SLC22A12: variants seen among roughly 807,000 people sequenced by gnomAD.
SLC22A12 encodes organic anion transporter 4-like protein.
A neutral mutation model predicts 52.7 loss-of-function variants in SLC22A12; 56 were observed. The ratio of observed to expected loss-of-function variants is 1.06; its 90% confidence interval spans 0.86 to 1.33. The LOEUF is 1.33. Ranked by LOEUF, SLC22A12 falls within the 40% of genes most tolerant of loss-of-function variation. The pLI is 0.00. For synonymous variants in SLC22A12, 337 were observed against 324.6 expected (o/e 1.04, Z -0.41); for missense variants, 683 against 741.5 (o/e 0.92, Z 0.92).
chr11:64,594,208 C>T (rs1032152476), intron 4 of SLC22A12, among the ~76,000 whole-genome samples: 1 of 152,228 alleles, frequency 6.6e-6, no homozygotes, highest in Non-Finnish European at 1.5e-5. Flanking sequence ...TGGAAAGATA[C>T]AACACATGCC....
intron 4 of SLC22A12, among the ~76,000 whole-genome samples, chr11:64,596,355 AATGGATGG>A (rs1185708405): frequency 8.4e-6 from 1 of 119,522 alleles, no homozygotes; most frequent in Non-Finnish European, 1.7e-5. Flanking sequence ...TGGATGGATG[AATGGATGG>A]ATGGATGGAT....
chr11:64,595,999 A>G (rs1453715458), intron 4 of SLC22A12, among the ~76,000 whole-genome samples: 2 of 132,786 alleles, frequency 1.5e-5, no homozygotes, highest in Non-Finnish European at 3.3e-5. Flanking sequence ...GATGGAATGG[A>G]TGGATGGATG....
At position 64,599,806 on chromosome 11, in the gene SLC22A12, A is replaced by G; in HGVS notation, c.1201A>G (p.Ser401Gly). The G allele has an allele frequency of 6.2e-7, 1 of 1,612,648 alleles. No homozygotes were observed. The highest frequency in any genetic ancestry group is 1.1e-5 in the South Asian group (1 of 91,058). The change falls in exon 7 of 10, where the codon AGC becomes GGC. Residue 401 changes from serine to glycine, a missense_variant. Physicochemically the swap from Ser to Gly is moderately conservative, Grantham distance 56. Transcript: ENST00000377574. ...CAAGATGGGCGCCCTGCTGCTGCTGAGCCACCTGGGCCGCCGCCCCACGCT... is the reference window on the plus strand; with the variant it reads ...CAAGATGGGCGCCCTGCTGCTGCTGGGCCACCTGGGCCGCCGCCCCACGCT... ...PAKMGALLLL[S>G]HLGRRPTLAA...
At position 64,594,486 on chromosome 11, in the gene SLC22A12, ATAGGTAGGTAGG is replaced by A. The variant is rs60103042; in HGVS notation, c.830+711_830+722del. 7.9e-3 allele frequency among the ~76,000 whole-genome samples: 1,190 copies of A among 151,574 alleles called. 10 individuals carry two copies. Among genetic ancestry groups the A allele is most frequent in the Non-Finnish European group, 0.012 (787 of 67,868 alleles). Reference sequence around the variant, plus strand: ...TTGTTAGGTAAGTAGAAATAGATAGATAGGTAGGTAGGTAGGTAGGTAGGTAGGTAGGTAGGT... The same window carrying A: ...TTGTTAGGTAAGTAGAAATAGATAGATAGGTAGGTAGGTAGGTAGGTAGGT... On this transcript the variant is annotated intron_variant, in intron 4 of 9. Transcript: ENST00000377574.
chr11:64,601,652 G>A lies in SLC22A12; in HGVS notation c.*101G>A. 1 of 1,362,006 alleles carries A rather than the reference G, an allele frequency of 7.3e-7. No homozygotes were observed. Among genetic ancestry groups the A allele is most frequent in the South Asian group, 1.2e-5 (1 of 80,996 alleles). The allele number at this position is 1,362,006 out of a possible 1,614,324, so 84.4% of individuals were successfully genotyped here. On this transcript the variant is annotated 3_prime_UTR_variant, in exon 10 of 10. Coordinates refer to ENST00000377574, the MANE Select transcript of SLC22A12 (RefSeq NM_144585.4). ...AAAGACCTCCATTTCCAGAGGCCCAGAGGCTGCCCTCTGAGGTCCCCACTC... is the reference window on the plus strand; with the variant it reads ...AAAGACCTCCATTTCCAGAGGCCCAAAGGCTGCCCTCTGAGGTCCCCACTC...
rs773677616 is a variant in SLC22A12 at position 64,600,770 on chromosome 11, G to A, written c.1430G>A (p.Arg477His). 3.7e-5 allele frequency: 59 copies of A among 1,605,280 alleles called. No individual in the cohort carries two copies. Among genetic ancestry groups the A allele is most frequent in the East Asian group, 1.6e-4 (7 of 44,886 alleles). ...TAVGLGQMAA[R>H]GGAILGPLVR... is the part of the protein sequence containing the mutation. The stretch of plus-strand genomic sequence containing the variant: ...GTGGGCTTGGGCCAGATGGCAGCCC[G>A]TGGAGGAGCCATCCTGGGGCCTCTG... Residue 477 changes from arginine to histidine, a missense_variant, in exon 9 of 10, where the codon CGT becomes CAT. Coordinates refer to ENST00000377574, the MANE Select transcript of SLC22A12 (RefSeq NM_144585.4).
intron 4 of SLC22A12, among the ~76,000 whole-genome samples, chr11:64,595,022 GTT>G (rs2039072435): frequency 2.3e-5 from 1 of 44,038 alleles, no homozygotes; most frequent in Non-Finnish European, 8.8e-5. Flanking sequence ...TGGATGGATG[GTT>G]GGAATAGATG....
Position 64,591,797 on chromosome 11 carries a change from C to G in SLC22A12, c.241C>G (p.Pro81Ala). The G allele has an allele frequency of 6.2e-7, 1 of 1,612,584 alleles. No individual in the cohort carries two copies. Among genetic ancestry groups the G allele is most frequent in the Non-Finnish European group, 8.5e-7 (1 of 1,179,988 alleles). Residue 81 changes from proline to alanine, a missense_variant, in exon 1 of 10, where the codon CCC becomes GCC. Physicochemically the swap from Pro to Ala is conservative, Grantham distance 27. Transcript: ENST00000377574. ...ALLAISIPPG[P>A]NQRPHQCRRF... Reference sequence around the variant, plus strand: ...CCTGGCTATTTCCATCCCGCCGGGCCCCAACCAGAGGCCCCACCAGTGCCG... The same window carrying G: ...CCTGGCTATTTCCATCCCGCCGGGCGCCAACCAGAGGCCCCACCAGTGCCG...
Position 64,595,355 on chromosome 11 carries a change from AT to A in SLC22A12, c.830+1553del, listed in dbSNP as rs2039122464. Among the ~76,000 whole-genome samples, 5 of 2,404 alleles carry A rather than the reference AT, an allele frequency of 2.1e-3. No homozygotes were observed. The Admixed American group carries it at 0.031, about 15-fold the overall frequency. 1.6% of individuals were successfully genotyped at this position (2,404 alleles called of 152,430 possible). A position where few individuals can be genotyped will look rare whatever the true frequency, so the allele number is the denominator to read the frequency against. ...GATGGTTGAATGGATGGTTGAATGG[AT>A]GGATGGATGGATGGATGGATGGATG... On this transcript the variant is annotated intron_variant, in intron 4 of 9. Coordinates refer to ENST00000377574, the MANE Select transcript of SLC22A12 (RefSeq NM_144585.4).
At position 64,592,914 on chromosome 11, in the gene SLC22A12, T is replaced by C. The variant is rs765686032; in HGVS notation, c.506+32T>C. Reference sequence around the variant, plus strand: ...ACCCCCAGTCCAGGCAGGTCCCAGTTCCCCTCACAACCCCTGCTCTCCTAG... The same window carrying C: ...ACCCCCAGTCCAGGCAGGTCCCAGTCCCCCTCACAACCCCTGCTCTCCTAG... On this transcript the variant is annotated intron_variant, in intron 2 of 9. Coordinates refer to ENST00000377574, the MANE Select transcript of SLC22A12 (RefSeq NM_144585.4). 2.2e-5 allele frequency: 34 copies of C among 1,575,728 alleles called. No individual in the cohort carries two copies. The East Asian group carries it at 7.4e-4, about 34-fold the overall frequency.
chr11:64,597,700 T>C (rs955424908), intron 4 of SLC22A12, among the ~76,000 whole-genome samples: 3 of 152,240 alleles, frequency 2.0e-5, no homozygotes, highest in Admixed American at 2.0e-4. Context: ...CACGTCTGGC[T>C]GAAGGACCTG....
intron 8 of SLC22A12, 53 bp from the exon 9 acceptor site, chr11:64,600,682 T>C: frequency 6.3e-7 from 1 of 1,599,520 alleles, no homozygotes; most frequent in Non-Finnish European, 8.5e-7. Flanking sequence ...GCGTGCAGGA[T>C]CAAGGCTGTG....
At chr11:64,595,304 TGGA>T in intron 4 of SLC22A12, among the ~76,000 whole-genome samples, 1 of 110,184 alleles carries the variant, frequency 9.1e-6, no homozygotes, top group Non-Finnish European at 1.8e-5. Flanking sequence ...GATGGATGGA[TGGA>T]TGGATGGATG....
chr11:64,592,124 G>A (rs1039785483), intron 1 of SLC22A12, among the ~76,000 whole-genome samples, 166 bp downstream of exon 1: 4 of 152,162 alleles, frequency 2.6e-5, no homozygotes, highest in South Asian at 2.1e-4. Context: ...GGAAGTGGGC[G>A]GCAGGGATCA....
At chr11:64,600,507 A>G (rs1361682332) in intron 8 of SLC22A12, 32 bp downstream of exon 8, 14 of 1,548,762 alleles carry the variant, frequency 9.0e-6, no homozygotes, top group Non-Finnish European at 1.1e-5. Context: ...AGGAGAGGGG[A>G]GCCCTGGGCT....
Position 64,593,466 on chromosome 11 carries a change from G to GCTGCCTTCGCCC in SLC22A12, c.577_588dup (p.Ala193_Phe196dup), listed in dbSNP as rs748234353. The GCTGCCTTCGCCC allele has an allele frequency of 6.8e-6, 11 of 1,613,986 alleles. No individual in the cohort carries two copies. The highest frequency in any genetic ancestry group is 8.5e-6 in the Non-Finnish European group (10 of 1,180,050). On this transcript the variant is annotated inframe_insertion, in exon 3 of 10. Transcript: ENST00000377574. ...TCAGATGGCTGTGATGGGTACGGCAGCTGCCTTCGCCCCTGCCTTCCCCGT... is the reference window on the plus strand; with the variant it reads ...TCAGATGGCTGTGATGGGTACGGCAGCTGCCTTCGCCCCTGCCTTCGCCCCTGCCTTCCCCGT...
intron 2 of SLC22A12, 43 bp downstream of exon 2, chr11:64,592,925 C>A: frequency 6.5e-7 from 1 of 1,536,948 alleles, no homozygotes. Context: ...CCCCTCACAA[C>A]CCCTGCTCTC....
In SLC22A12 at chr11:64,592,818, G is replaced by T. The variant is rs1443885459; in HGVS notation, c.442G>T (p.Ala148Ser). 1 of 1,613,904 alleles carries T rather than the reference G, an allele frequency of 6.2e-7. No individual in the cohort carries two copies. Among genetic ancestry groups the T allele is most frequent in the Non-Finnish European group, 8.5e-7 (1 of 1,179,996 alleles). The change falls in exon 2 of 10, where the codon GCC becomes TCC. Residue 148 changes from alanine (A) to serine (S), a missense_variant. By Grantham distance (99) the Ala-to-Ser change is moderately conservative. Coordinates refer to ENST00000377574, the MANE Select transcript of SLC22A12 (RefSeq NM_144585.4). ...TGACTCTCATGCTCTGAAGCCCATG[G>T]CCCAGTCCATCTACCTGGCTGGGAT... is the stretch of plus-strand genomic sequence containing the variant. ...VCDSHALKPMAQSIYLAGILV... is the reference protein window; with the variant it reads ...VCDSHALKPMSQSIYLAGILV...
intron 4 of SLC22A12, among the ~76,000 whole-genome samples, chr11:64,595,955 GA>G (rs2039184113): frequency 1.7e-5 from 2 of 120,024 alleles, no homozygotes; most frequent in Non-Finnish European, 3.4e-5. Context: ...TGGATGGATG[GA>G]TGGATGGATG....
Sources: gnomAD v4.1 joint callset for allele counts (sites outside exome capture counted in the v4.1 genomes callset) on GRCh38, gnomAD v4.1.1 for gene constraint, MANE v1.5 for transcripts, NCBI Gene and HGNC (gene_info 2026-07-23, HGNC 2026-07-21) for gene names.